The following ENAH variants were observed in gnomAD, a reference collection of about 807,000 sequenced individuals.
The protein encoded by ENAH is ENAH actin regulator.
In ENAH, 23 loss-of-function variants were observed where a neutral mutation model predicts 78.7. The observed-to-expected ratio is 0.29, with a 90% CI of 0.21 to 0.41. The LOEUF is 0.41. Among genes scored for constraint, ENAH ranks in the 10% least tolerant of loss-of-function variants. The pLI is 1.00. For synonymous variants in ENAH, 226 were observed against 241.0 expected (o/e 0.94, Z 0.58); for missense variants, 544 against 691.0 (o/e 0.79, Z 2.39).
chr1:225,528,175 T>C (rs1048522192), intron 4 of ENAH, among the ~76,000 whole-genome samples: 2 of 152,170 alleles, frequency 1.3e-5, no homozygotes, highest in African/African-American at 4.8e-5. Flanking sequence ...TAGCCCATAA[T>C]GTTCACTGTG....
At chr1:225,589,629 T>C (rs892803680) in intron 1 of ENAH, among the ~76,000 whole-genome samples, 4 of 152,238 alleles carry the variant, frequency 2.6e-5, no homozygotes, top group Non-Finnish European at 5.9e-5. Context: ...CTGCATTGTA[T>C]TTTTATGCGT....
chr1:225,549,819 C>T (rs925703714), intron 3 of ENAH, among the ~76,000 whole-genome samples: 1 of 152,168 alleles, frequency 6.6e-6, no homozygotes, highest in Non-Finnish European at 1.5e-5. Context: ...GTCACCTCCT[C>T]TTCATTCTGC....
At chr1:225,548,160 G>T (rs2096623911) in intron 3 of ENAH, among the ~76,000 whole-genome samples, 1 of 149,682 alleles carries the variant, frequency 6.7e-6, no homozygotes, top group Non-Finnish European at 1.5e-5. Flanking sequence ...AAATTTGAAA[G>T]CCTACTTTTT....
At chr1:225,572,382 C>T (rs550843819) in intron 1 of ENAH, among the ~76,000 whole-genome samples, 18 of 151,954 alleles carry the variant, frequency 1.2e-4, no homozygotes, top group Admixed American at 1.0e-3. Context: ...TGCGATGGGG[C>T]GGTGGTGGGG....
intron 1 of ENAH, among the ~76,000 whole-genome samples, chr1:225,603,306 A>G: frequency 6.6e-6 from 1 of 152,158 alleles, no homozygotes; most frequent in East Asian, 1.9e-4. Flanking sequence ...AACTACACCG[A>G]TGGCTCTTTA....
intron 1 of ENAH, among the ~76,000 whole-genome samples, chr1:225,619,703 A>T (rs2148235526): frequency 1.3e-5 from 2 of 152,324 alleles, no homozygotes; most frequent in South Asian, 4.1e-4. Flanking sequence ...CAGACATCCC[A>T]ATTTAAAACC....
chr1:225,524,762 T>C (rs986508132), intron 4 of ENAH: 1 of 591,436 alleles, frequency 1.7e-6, no homozygotes, highest in African/African-American at 2.0e-5. Flanking sequence ...GAACTATTTA[T>C]AGATATTAAC....
chr1:225,502,524 TA>T (rs1276778542), intron 11 of ENAH, among the ~76,000 whole-genome samples: 1 of 152,184 alleles, frequency 6.6e-6, no homozygotes, highest in Non-Finnish European at 1.5e-5. Context: ...TCTGCTTTAC[TA>T]TCAAAACGTA....
chr1:225,500,802 T>C (rs1188000370), intron 12 of ENAH, among the ~76,000 whole-genome samples, 190 bp downstream of exon 12: 3 of 152,228 alleles, frequency 2.0e-5, no homozygotes, highest in African/African-American at 4.8e-5. Flanking sequence ...TGGACCTTCA[T>C]GCAAACTCAA....
At chr1:225,498,251 ACTAATCAG>A in intron 13 of ENAH, 88 bp downstream of exon 13, 1 of 1,003,324 alleles carries the variant, frequency 1.0e-6, no homozygotes, top group Non-Finnish European at 1.5e-6. Flanking sequence ...ATTGCCCTCA[ACTAATCAG>A]CTGGGTATTT....
At position 225,584,285 on chromosome 1, in the gene ENAH, T is replaced by TG. The variant is rs201809849; in HGVS notation, c.6-16872dup. Reference sequence around the variant, plus strand: ...ATCAGACAAATACAGCAAAACAAACTGGGGGGAACAAACCTAGAGAGTTGC... The same window carrying TG: ...ATCAGACAAATACAGCAAAACAAACTGGGGGGGAACAAACCTAGAGAGTTGC... On this transcript the variant is annotated intron_variant, in intron 1 of 13. Coordinates refer to ENST00000366843, the MANE Select transcript of ENAH (RefSeq NM_018212.6). Among the ~76,000 whole-genome samples, 10 of 152,240 alleles carry TG rather than the reference T, an allele frequency of 6.6e-5. No individual in the cohort carries two copies. The East Asian group carries it at 1.9e-3, about 29-fold the overall frequency.
chr1:225,587,220 G>C (rs1318244999), intron 1 of ENAH, among the ~76,000 whole-genome samples: 2 of 152,202 alleles, frequency 1.3e-5, no homozygotes, highest in South Asian at 2.1e-4. Context: ...GGAAAAAAAA[G>C]AAAGGACAGA....
intron 2 of ENAH, among the ~76,000 whole-genome samples, chr1:225,557,893 GA>G (rs1219919710): frequency 2.0e-5 from 3 of 151,986 alleles, no homozygotes; most frequent in African/African-American, 7.3e-5. Flanking sequence ...TTTATCTGGG[GA>G]AAAACCCTAC....
rs531073468 is a variant in ENAH, at chr1:225,579,009, A to G, written c.6-11595T>C. 3.9e-5 allele frequency among the ~76,000 whole-genome samples: 6 copies of G among 152,340 alleles called. No homozygotes were observed. In the South Asian group the frequency reaches 1.2e-3, roughly 32 times the overall value. On this transcript the variant is annotated intron_variant, in intron 1 of 13. Coordinates refer to ENST00000366843, the MANE Select transcript of ENAH (RefSeq NM_018212.6). ...CTTACTAAGTGCCATATATGGTTCT[A>G]TGTGCTTTGCCTTTATTAATTCGCT...
chr1:225,605,030 T>C (rs978945430), intron 1 of ENAH, among the ~76,000 whole-genome samples: 2 of 152,198 alleles, frequency 1.3e-5, no homozygotes, highest in Non-Finnish European at 2.9e-5. Flanking sequence ...CTTTGAAACG[T>C]GAATATCCAC....
intron 1 of ENAH, among the ~76,000 whole-genome samples, chr1:225,578,291 ACT>A (rs930139260): frequency 1.1e-4 from 17 of 152,200 alleles, no homozygotes; most frequent in African/African-American, 3.6e-4. Flanking sequence ...ACAAAGTGAG[ACT>A]CTGTCTCCAC....
chr1:225,600,285 T>C (rs1234876138), intron 1 of ENAH, among the ~76,000 whole-genome samples: 1 of 152,140 alleles, frequency 6.6e-6, no homozygotes, highest in Non-Finnish European at 1.5e-5. Context: ...GGAGGATCAC[T>C]TGAGCCCAGG....
intron 7 of ENAH, among the ~76,000 whole-genome samples, chr1:225,513,742 G>A (rs940055152): frequency 6.6e-6 from 1 of 151,882 alleles, no homozygotes; most frequent in Non-Finnish European, 1.5e-5. Flanking sequence ...CTGTAATCCC[G>A]GCACTGTGGG....
chr1:225,539,023 T>C (rs1297240908), intron 3 of ENAH, among the ~76,000 whole-genome samples: 1 of 152,244 alleles, frequency 6.6e-6, no homozygotes, highest in Non-Finnish European at 1.5e-5. Context: ...ATTGAGTATA[T>C]GCTCAGAGAA....
Sources: gnomAD v4.1 joint callset for allele counts (sites outside exome capture counted in the v4.1 genomes callset) on GRCh38, gnomAD v4.1.1 for gene constraint, MANE v1.5 for transcripts, NCBI Gene and HGNC (gene_info 2026-07-23, HGNC 2026-07-21) for gene names.